Variants in MBD5 observed in about 807,000 individuals in gnomAD.
MBD5 encodes methyl-CpG binding domain protein 5, also known as methyl-CpG-binding domain protein 5.
MBD5 carries 13 observed loss-of-function variants against 117.3 expected under a neutral mutation model. That is an observed-to-expected ratio of 0.11 (90% CI 0.07 to 0.18). The LOEUF is 0.18. MBD5 is among the 10% of genes least tolerant of loss of function. The pLI, the probability that MBD5 is intolerant of heterozygous loss-of-function variation, is 1.00. For synonymous variants in MBD5, 727 were observed against 766.4 expected (o/e 0.95, Z 0.85); for missense variants, 1,879 against 2,093.8 (o/e 0.90, Z 2.00).
At chr2:148,102,717 CACACACACACACAGAGAGAGAGAG>C (rs1696255435) in intron 1 of MBD5, among the ~76,000 whole-genome samples, 1 of 85,626 alleles carries the variant, frequency 1.2e-5, no homozygotes, top group Admixed American at 1.5e-4. Context: ...CACACACACA[CACACACACACACAGAGAGAGAGAG>C]AGAGAGAGAG....
chr2:148,027,553 C>T (rs1403110271), intron 1 of MBD5: 1 of 152,004 alleles, frequency 6.6e-6, no homozygotes, highest in Non-Finnish European at 1.5e-5. Flanking sequence ...AAATCTGAAA[C>T]TTTTTGAGCA....
chr2:148,140,647 T>C (rs1437596686), intron 1 of MBD5, among the ~76,000 whole-genome samples: 1 of 152,230 alleles, frequency 6.6e-6, no homozygotes, highest in Admixed American at 6.5e-5. Flanking sequence ...TCATACAAAG[T>C]ACTTTTTTCC....
chr2:148,252,492 G>A (rs1486460069), intron 3 of MBD5, among the ~76,000 whole-genome samples: 1 of 141,716 alleles, frequency 7.1e-6, no homozygotes, highest in Non-Finnish European at 1.6e-5. Context: ...GAAAGATACA[G>A]ACTCATATTC....
At chr2:148,309,017 C>A (rs1055292903) in intron 3 of MBD5, among the ~76,000 whole-genome samples, 8 of 152,082 alleles carry the variant, frequency 5.3e-5, no homozygotes, top group African/African-American at 1.9e-4. Context: ...GTCTATATAT[C>A]TGTTTTGGTA....
At chr2:148,412,983 TC>T in intron 4 of MBD5, among the ~76,000 whole-genome samples, 1 of 152,156 alleles carries the variant, frequency 6.6e-6, no homozygotes, top group Admixed American at 6.6e-5. Flanking sequence ...GGCCAGGACT[TC>T]CAGTACTGTG....
chr2:148,282,138 T>A (rs749332334), intron 3 of MBD5, among the ~76,000 whole-genome samples: 1 of 152,196 alleles, frequency 6.6e-6, no homozygotes, highest in Non-Finnish European at 1.5e-5. Flanking sequence ...CCGTAATTGC[T>A]GAGTACTGTT....
intron 3 of MBD5, among the ~76,000 whole-genome samples, chr2:148,262,348 T>TA (rs879626929): frequency 1.4e-4 from 21 of 145,918 alleles, no homozygotes; most frequent in East Asian, 6.0e-4. Flanking sequence ...TCATCTAAAG[T>TA]AAAAAAAAAA....
In MBD5 at chr2:148,342,305, C is replaced by T. The variant is rs1007924009; in HGVS notation, c.-588C>T. 2 of 152,010 alleles carry T rather than the reference C, an allele frequency of 1.3e-5. No individual in the cohort carries two copies. The highest frequency in any genetic ancestry group is 3.9e-4 in the East Asian group (2 of 5,184). The allele number at this position is 152,010 out of a possible 1,614,324, so 9.4% of individuals were successfully genotyped here. Reference sequence around the variant, plus strand: ...TTACACTGCTGAGTCACACACAACGCTTGTTATGTTTTCATCACTTCTCTC... The same window carrying T: ...TTACACTGCTGAGTCACACACAACGTTTGTTATGTTTTCATCACTTCTCTC... On this transcript the variant is annotated 5_prime_UTR_variant, in exon 4 of 14. Transcript: ENST00000642680.
intron 1 of MBD5, among the ~76,000 whole-genome samples, chr2:148,038,197 A>G (rs1022140108): frequency 2.0e-5 from 3 of 152,058 alleles, no homozygotes; most frequent in African/African-American, 4.8e-5. Context: ...AGAAAGTTCA[A>G]CCAGACACTG....
chr2:148,308,484 GTTCT>G (rs1209647855), intron 3 of MBD5, among the ~76,000 whole-genome samples: 17,518 of 102,474 alleles, frequency 0.17, 2,613 homozygotes, highest in Admixed American at 0.24. Flanking sequence ...TTTTGATGGG[GTTCT>G]TTCTTTTTTT....
chr2:148,384,157 G>A (rs1311091879), intron 4 of MBD5, among the ~76,000 whole-genome samples: 1 of 152,110 alleles, frequency 6.6e-6, no homozygotes, highest in Non-Finnish European at 1.5e-5. Context: ...ATTAGGAAAA[G>A]AGGAAGTCAA....
At chr2:148,126,191 T>C (rs1170689577) in intron 1 of MBD5, among the ~76,000 whole-genome samples, 92 of 151,044 alleles carry the variant, frequency 6.1e-4, no homozygotes. Context: ...AGGTCAAGAG[T>C]TTGAGACCGG....
chr2:148,170,243 A>C (rs1398373763), intron 1 of MBD5, among the ~76,000 whole-genome samples: 1 of 152,214 alleles, frequency 6.6e-6, no homozygotes, highest in African/African-American at 2.4e-5. Flanking sequence ...GTTGCATTAA[A>C]ATCATTTTAA....
intron 1 of MBD5, among the ~76,000 whole-genome samples, chr2:148,056,883 C>G (rs1307573747): frequency 6.6e-6 from 1 of 151,440 alleles, no homozygotes; most frequent in Non-Finnish European, 1.5e-5. Context: ...GCATTTTTAA[C>G]TTTTGATGTA....
intron 1 of MBD5, among the ~76,000 whole-genome samples, chr2:148,037,891 A>G (rs575448271): frequency 6.6e-6 from 1 of 152,148 alleles, no homozygotes; most frequent in South Asian, 2.1e-4. Flanking sequence ...CTAAGGAAAT[A>G]TTTATGAGTG....
Position 148,126,663 on chromosome 2 carries a change from C to T in MBD5, c.-924-52037C>T, listed in dbSNP as rs144086098. Among the ~76,000 whole-genome samples the T allele has an allele frequency of 9.1e-3, 1,391 of 152,066 alleles. 14 individuals are homozygous for T. The highest frequency in any genetic ancestry group is 0.031 in the African/African-American group (1,292 of 41,478). On this transcript the variant is annotated intron_variant, in intron 1 of 13. Coordinates refer to ENST00000642680, the MANE Select transcript of MBD5 (RefSeq NM_001378120.1). Reference sequence around the variant, plus strand: ...ATGAATTACAGTATTAAGAGGAAGCCCCTAATCTGGGCAATTTGAATAATA... The same window carrying T: ...ATGAATTACAGTATTAAGAGGAAGCTCCTAATCTGGGCAATTTGAATAATA...
intron 4 of MBD5, among the ~76,000 whole-genome samples, chr2:148,422,434 C>T (rs1276961387): frequency 6.6e-6 from 1 of 152,142 alleles, no homozygotes. Context: ...CTGAAGGTCA[C>T]CAACACAAAG....
chr2:148,413,046 G>A (rs1374410719), intron 4 of MBD5, among the ~76,000 whole-genome samples: 1 of 152,052 alleles, frequency 6.6e-6, no homozygotes, highest in Non-Finnish European at 1.5e-5. Flanking sequence ...GGTTTTCAAG[G>A]ATAAGGTTTC....
intron 4 of MBD5, among the ~76,000 whole-genome samples, chr2:148,370,279 A>G (rs1381013456): frequency 1.3e-5 from 2 of 152,106 alleles, no homozygotes; most frequent in Non-Finnish European, 2.9e-5. Flanking sequence ...AACTTGGCAC[A>G]ATATATTTAC....
Sources: gnomAD v4.1 joint callset for allele counts (sites outside exome capture counted in the v4.1 genomes callset) on GRCh38, gnomAD v4.1.1 for gene constraint, MANE v1.5 for transcripts, NCBI Gene and HGNC (gene_info 2026-07-23, HGNC 2026-07-21) for gene names.